The following ARHGEF18 variants were observed in gnomAD, a reference collection of about 807,000 sequenced individuals.
The protein encoded by ARHGEF18 is rho guanine nucleotide exchange factor 18.
In ARHGEF18, 93 loss-of-function variants were observed where a neutral mutation model predicts 155.7. The ratio of observed to expected loss-of-function variants is 0.60; its 90% confidence interval spans 0.50 to 0.71. The LOEUF is 0.71. ARHGEF18 is among the 30% of genes least tolerant of loss of function. The pLI is 0.00. For synonymous variants in ARHGEF18, 742 were observed against 753.1 expected (o/e 0.99, Z 0.24); for missense variants, 1,593 against 1,816.1 (o/e 0.88, Z 2.23).
intron 10 of ARHGEF18, among the ~76,000 whole-genome samples, chr19:7,396,916 T>C (rs1971743987): frequency 6.6e-6 from 1 of 151,984 alleles, no homozygotes; most frequent in African/African-American, 2.4e-5. Flanking sequence ...TATGGCAAAC[T>C]TTCCATCAGT....
At chr19:7,438,135 C>G (rs1974390734) in intron 10 of ARHGEF18, among the ~76,000 whole-genome samples, 1 of 140,700 alleles carries the variant, frequency 7.1e-6, no homozygotes, top group African/African-American at 2.6e-5. Context: ...AGGTCCCGCT[C>G]TGTCACCCAG....
intron 1 of ARHGEF18, among the ~76,000 whole-genome samples, chr19:7,356,739 T>C (rs1457872603): frequency 6.6e-6 from 1 of 152,206 alleles, no homozygotes; most frequent in African/African-American, 2.4e-5. Flanking sequence ...ACTGCCCATA[T>C]GAGCGCCTCC....
chr19:7,364,107 G>T (rs1034822418), intron 2 of ARHGEF18, among the ~76,000 whole-genome samples: 1 of 150,536 alleles, frequency 6.6e-6, no homozygotes, highest in East Asian at 2.0e-4. Flanking sequence ...GAAGAAGAGT[G>T]AGTGGAAGGA....
chr19:7,449,810 T>C (rs1975244906), intron 15 of ARHGEF18, among the ~76,000 whole-genome samples: 1 of 152,108 alleles, frequency 6.6e-6, no homozygotes, highest in South Asian at 2.1e-4. Context: ...CCTGAATAGC[T>C]GGGACTACAG....
At chr19:7,368,738 GAA>G (rs1970055893) in intron 2 of ARHGEF18, among the ~76,000 whole-genome samples, 1 of 152,166 alleles carries the variant, frequency 6.6e-6, no homozygotes, top group South Asian at 2.1e-4. Flanking sequence ...GGCTGCGACA[GAA>G]AAGACAGTAG....
At chr19:7,352,832 CTTTTTT>C (rs587602037) in intron 1 of ARHGEF18, among the ~76,000 whole-genome samples, 5 of 49,882 alleles carry the variant, frequency 1.0e-4, no homozygotes, top group Admixed American at 3.8e-4. Flanking sequence ...CGTGCCTGGC[CTTTTTT>C]TTTTTTTTTT....
At chr19:7,403,385 G>A (rs1472775277) in intron 10 of ARHGEF18, among the ~76,000 whole-genome samples, 1 of 151,972 alleles carries the variant, frequency 6.6e-6, no homozygotes, top group Non-Finnish European at 1.5e-5. Context: ...CAGCAGCCAC[G>A]ACCCTACTTT....
intron 10 of ARHGEF18, among the ~76,000 whole-genome samples, chr19:7,393,047 C>CAAA (rs60015151): frequency 7.1e-5 from 4 of 56,652 alleles, no homozygotes; most frequent in Non-Finnish European, 1.0e-4. Flanking sequence ...GATCCTGTCT[C>CAAA]AAAAAAAAAA....
At chr19:7,405,104 C>A (rs1419231872) in intron 10 of ARHGEF18, among the ~76,000 whole-genome samples, 1 of 152,038 alleles carries the variant, frequency 6.6e-6, no homozygotes, top group Non-Finnish European at 1.5e-5. Flanking sequence ...ATTATAGGTG[C>A]CCGCCACTAT....
At chr19:7,479,476 T>A in the ARHGEF18 span, among the ~76,000 whole-genome samples, 3 of 152,264 alleles carry the variant, frequency 2.0e-5, no homozygotes, top group South Asian at 6.2e-4. Context: ...AGAGGAAGAC[T>A]GTGTCTCAAG....
chr19:7,405,654 A>T (rs1972265144), intron 10 of ARHGEF18, among the ~76,000 whole-genome samples: 2 of 152,142 alleles, frequency 1.3e-5, no homozygotes, highest in Non-Finnish European at 2.9e-5. Context: ...TCTGTTGCCC[A>T]GGCTGGAGTG....
At chr19:7,430,942 G>A (rs1471312446) in intron 10 of ARHGEF18, among the ~76,000 whole-genome samples, 1 of 152,064 alleles carries the variant, frequency 6.6e-6, no homozygotes, top group Non-Finnish European at 1.5e-5. Flanking sequence ...CAAGGCAAAA[G>A]CATCACTTGA....
At position 7,431,510 on chromosome 19, in the gene ARHGEF18, C is replaced by CAAAAAAAAAAAAAAAAAAAAAAA. The variant is rs34609858; in HGVS notation, c.968-8833_968-8811dup. ...TGGACGACAGAGTGAGACTCCATCT[C>CAAAAAAAAAAAAAAAAAAAAAAA]AAAAAAAAAAAAAAAAAAAAAAAGG... On this transcript the variant is annotated intron_variant, in intron 10 of 28. Transcript: ENST00000668164. Among the ~76,000 whole-genome samples the CAAAAAAAAAAAAAAAAAAAAAAA allele has an allele frequency of 5.8e-5, 3 of 51,292 alleles. 1 individual carries two copies. The highest frequency in any genetic ancestry group is 3.5e-5 in the Non-Finnish European group (1 of 28,800). 33.6% of individuals were successfully genotyped at this position (51,292 alleles called of 152,430 possible).
rs930829545 is a variant in ARHGEF18, at chr19:7,440,493, G to T, written c.1106+11G>T. The T allele has an allele frequency of 3.1e-6, 5 of 1,591,912 alleles. No individual in the cohort carries two copies. Among genetic ancestry groups the T allele is most frequent in the Non-Finnish European group, 4.3e-6 (5 of 1,175,472 alleles). ...TGGGACGCAACTCGGGTAAGCCAGGGTCCCCTCTGTGCCCTCGGGTGGGTG... is the reference window on the plus strand; with the variant it reads ...TGGGACGCAACTCGGGTAAGCCAGGTTCCCCTCTGTGCCCTCGGGTGGGTG... On this transcript the variant is annotated intron_variant, in intron 11 of 28. Coordinates refer to ENST00000668164, the MANE Select transcript of ARHGEF18 (RefSeq NM_001367823.1). This position sits in a 1 kb window ranked among gnomAD's most constrained non-coding sequence, Gnocchi z 5.4.
At chr19:7,422,140 CG>C (rs1973383999) in intron 10 of ARHGEF18, among the ~76,000 whole-genome samples, 1 of 152,114 alleles carries the variant, frequency 6.6e-6, no homozygotes, top group African/African-American at 2.4e-5. Context: ...TCTCTGTCCC[CG>C]TCTAATCATT....
chr19:7,440,608 A>T lies in ARHGEF18; in HGVS notation c.1106+126A>T. 1 of 1,263,548 alleles carries T rather than the reference A, an allele frequency of 7.9e-7. No individual in the cohort carries two copies. Among genetic ancestry groups the T allele is most frequent in the Non-Finnish European group, 1.1e-6 (1 of 940,712 alleles). 78.3% of individuals were successfully genotyped at this position (1,263,548 alleles called of 1,614,324 possible). Reference sequence around the variant, plus strand: ...AATCCACACGGCAGCCCCCGTGCTAAGCAGAGAAATTCCCATTAACGCTTG... The same window carrying T: ...AATCCACACGGCAGCCCCCGTGCTATGCAGAGAAATTCCCATTAACGCTTG... On this transcript the variant is annotated intron_variant, in intron 11 of 28. Coordinates refer to ENST00000668164, the MANE Select transcript of ARHGEF18 (RefSeq NM_001367823.1). This position sits in a 1 kb window ranked among gnomAD's most constrained non-coding sequence, Gnocchi z 5.4.
At chr19:7,443,114 G>A (rs2145788202) in intron 13 of ARHGEF18, among the ~76,000 whole-genome samples, 1 of 142,832 alleles carries the variant, frequency 7.0e-6, no homozygotes, top group East Asian at 2.1e-4. Context: ...CCAGGCTGGA[G>A]TGCAGTGGTT....
chr19:7,417,706 A>C (rs1973101956), intron 10 of ARHGEF18, among the ~76,000 whole-genome samples: 1 of 152,184 alleles, frequency 6.6e-6, no homozygotes, highest in Non-Finnish European at 1.5e-5. Flanking sequence ...CAATAAAAAT[A>C]AAATGAAAAA....
At chr19:7,466,851 G>GAAGAAAAAA in intron 23 of ARHGEF18, 67 bp from the exon 24 acceptor site, 2 of 791,926 alleles carry the variant, frequency 2.5e-6, no homozygotes, top group Non-Finnish European at 4.0e-6. Context: ...AGAAGAAGAA[G>GAAGAAAAAA]AAGGCTTGAG....
Sources: allele counts gnomAD v4.1 joint callset (sites outside exome capture counted in the v4.1 genomes callset), GRCh38; gene constraint gnomAD v4.1.1; non-coding constraint Gnocchi (gnomAD v3.1); transcripts MANE v1.5; gene names NCBI Gene and HGNC (gene_info 2026-07-23, HGNC 2026-07-21).